METTL2A: variants seen among roughly 807,000 people sequenced by gnomAD.
METTL2A encodes methyltransferase 2A, tRNA N3-cytidine.
METTL2A carries 45 observed loss-of-function variants against 49.4 expected under a neutral mutation model. The observed-to-expected ratio is 0.91, with a 90% CI of 0.72 to 1.17. The LOEUF (loss-of-function observed/expected upper bound fraction) is 1.17. Ranked by LOEUF, METTL2A falls within the 50% of genes most tolerant of loss-of-function variation. METTL2A has a pLI of 0.00. For missense variants in METTL2A, 361 were observed against 462.2 expected, an observed-to-expected ratio of 0.78 and a Z score of 2.01; for synonymous variants, 118 against 167.5, an observed-to-expected ratio of 0.70 and a Z score of 2.28.
chr17:62,440,897 T>C, intron 6 of METTL2A, 141 bp downstream of exon 6: 1 of 1,183,382 alleles, frequency 8.5e-7, no homozygotes, highest in South Asian at 1.6e-5. Context: ...CCTTAACCTC[T>C]TGGGCTTAAA....
At chr17:62,442,328 T>A (rs1384327663) in intron 6 of METTL2A, among the ~76,000 whole-genome samples, 1 of 151,842 alleles carries the variant, frequency 6.6e-6, no homozygotes, top group Non-Finnish European at 1.5e-5. Flanking sequence ...CAGGCTGGAG[T>A]GCAGTGGTGA....
Position 62,448,669 on chromosome 17 carries a change from A to G in METTL2A, c.1077A>G (p.Thr359=). ...AGGTGAACCGAGGAAAGCAACTGAC[A>G]ATGTACCGGGTTTGGATTCAGTGCA... The part of the protein sequence containing the change: ...RLQVNRGKQL[T]MYRVWIQCKY... Residue 359 remains threonine, a synonymous_variant, in exon 9 of 9, where the codon ACA becomes ACG. Coordinates refer to ENST00000311506, the MANE Select transcript of METTL2A (RefSeq NM_181725.4). 6.2e-7 allele frequency: 1 copy of G among 1,614,202 alleles called. No homozygotes were observed. The highest frequency in any genetic ancestry group is 8.5e-7 in the Non-Finnish European group (1 of 1,180,028).
In METTL2A at chr17:62,440,868, C is replaced by T. The variant is rs144051852; in HGVS notation, c.809+112C>T. On this transcript the variant is annotated intron_variant, in intron 6 of 8. Transcript: ENST00000311506. ...CAGCCCAGGCTGGAGTGCAGTGGCA[C>T]GATCATGGCTCACTGCAGCCTTAAC... 4.7e-4 allele frequency: 635 copies of T among 1,362,188 alleles called. 2 individuals are homozygous for T. The African/African-American group carries it at 8.4e-3, about 18-fold the overall frequency. 84.4% of individuals were successfully genotyped at this position (1,362,188 alleles called of 1,614,324 possible). A position where few individuals can be genotyped will look rare whatever the true frequency, so the allele number is the denominator to read the frequency against.
intron 2 of METTL2A, 57 bp downstream of exon 2, chr17:62,424,367 C>T (rs2070608567): frequency 6.2e-7 from 1 of 1,607,632 alleles, no homozygotes; most frequent in Non-Finnish European, 8.5e-7. Context: ...CGAACGCGCC[C>T]TCCCGGAGAG....
At chr17:62,445,370 A>G (rs1198509141) in intron 7 of METTL2A, among the ~76,000 whole-genome samples, 3 of 152,026 alleles carry the variant, frequency 2.0e-5, no homozygotes, top group Admixed American at 2.0e-4. Flanking sequence ...TAGAATTAGA[A>G]CTCCTTATAT....
Position 62,451,629 on chromosome 17 carries a change from C to T in METTL2A, c.*2900C>T, listed in dbSNP as rs186359. On this transcript the variant is annotated 3_prime_UTR_variant, in exon 9 of 9. Transcript: ENST00000311506. ...AATACAGACCTGGCACGGTGGCTCA[C>T]GCCTGTAATCCCAGCACTTTGAGAG... 1.4e-4 allele frequency among the ~76,000 whole-genome samples: 21 copies of T among 151,688 alleles called. No homozygotes were observed. The highest frequency in any genetic ancestry group is 2.6e-4 in the Admixed American group (4 of 15,240).
intron 6 of METTL2A, among the ~76,000 whole-genome samples, chr17:62,442,186 A>G (rs2070742651): frequency 6.6e-6 from 1 of 152,200 alleles, no homozygotes; most frequent in African/African-American, 2.4e-5. Context: ...ATAAAATCAG[A>G]TTCAGATTAA....
Position 62,450,667 on chromosome 17 carries a change from AAT to A in METTL2A, c.*1940_*1941del, listed in dbSNP as rs2070800803. The A allele has an allele frequency of 1.3e-5, 2 of 152,102 alleles. No individual in the cohort carries two copies. Among genetic ancestry groups the A allele is most frequent in the Non-Finnish European group, 2.9e-5 (2 of 68,044 alleles). 9.4% of individuals were successfully genotyped at this position (152,102 alleles called of 1,614,324 possible). A position where few individuals can be genotyped will look rare whatever the true frequency, so the allele number is the denominator to read the frequency against. On this transcript the variant is annotated 3_prime_UTR_variant, in exon 9 of 9. Transcript: ENST00000311506. Reference sequence around the variant, plus strand: ...TAGTGAAACCCCGTCTCCACTAAAAAATAAAAAATCAGCCCGGCATGGCTGTG... The same window carrying A: ...TAGTGAAACCCCGTCTCCACTAAAAAAAAAAATCAGCCCGGCATGGCTGTG...
chr17:62,444,328 G>A (rs1397753601), intron 6 of METTL2A, among the ~76,000 whole-genome samples: 1 of 152,196 alleles, frequency 6.6e-6, no homozygotes, highest in Non-Finnish European at 1.5e-5. Context: ...GGCCCAGGCC[G>A]GAGGGCAGTG....
intron 5 of METTL2A, among the ~76,000 whole-genome samples, chr17:62,437,096 C>A (rs1457770105): frequency 2.0e-5 from 3 of 148,208 alleles, no homozygotes; most frequent in Non-Finnish European, 3.0e-5. Context: ...CAAGCAGCAA[C>A]AAGATTGCAG....
At chr17:62,446,651 A>C (rs966721324) in intron 7 of METTL2A, among the ~76,000 whole-genome samples, 1 of 152,136 alleles carries the variant, frequency 6.6e-6, no homozygotes, top group African/African-American at 2.4e-5. Context: ...TGTTCAATCC[A>C]GTCATTTTTT....
Position 62,452,155 on chromosome 17 carries a change from GCACCTTTGCATTTTAAGGTAAGA to G in METTL2A, c.*3427_*3449del, listed in dbSNP as rs2070809887. On this transcript the variant is annotated 3_prime_UTR_variant, in exon 9 of 9. Transcript: ENST00000311506. ...CAGTCTACGGGTTAGGCTTGCTTTT[GCACCTTTGCATTTTAAGGTAAGA>G]GGCTATTGTGTAAACTCGAATTGGG... 6.6e-6 allele frequency among the ~76,000 whole-genome samples: 1 copy of G among 152,216 alleles called. No individual in the cohort carries two copies. Among genetic ancestry groups the G allele is most frequent in the African/African-American group, 2.4e-5 (1 of 41,458 alleles).
intron 6 of METTL2A, among the ~76,000 whole-genome samples, chr17:62,441,997 G>A (rs1292824672): frequency 1.3e-5 from 2 of 151,262 alleles, no homozygotes; most frequent in Non-Finnish European, 1.5e-5. Flanking sequence ...CTCATGATCC[G>A]CCCGCCACGG....
At chr17:62,424,113 C>T (rs2070605940) in intron 1 of METTL2A, 101 bp downstream of exon 1, 6 of 1,584,464 alleles carry the variant, frequency 3.8e-6, no homozygotes, top group Middle Eastern at 3.4e-4. Flanking sequence ...AGTCAAGCTG[C>T]CCTACCCGAG....
At position 62,451,674 on chromosome 17, in the gene METTL2A, C is replaced by A. The variant is rs2144165133; in HGVS notation, c.*2945C>A. 6.6e-6 allele frequency among the ~76,000 whole-genome samples: 1 copy of A among 151,520 alleles called. No individual in the cohort carries two copies. Among genetic ancestry groups the A allele is most frequent in the East Asian group, 2.0e-4 (1 of 5,072 alleles). Reference sequence around the variant, plus strand: ...TGAGAGACCAAGGTAGGTGGATCACCTGAGGTCGGGAGTTGGAGACCAGCC... The same window carrying A: ...TGAGAGACCAAGGTAGGTGGATCACATGAGGTCGGGAGTTGGAGACCAGCC... On this transcript the variant is annotated 3_prime_UTR_variant, in exon 9 of 9. Coordinates refer to ENST00000311506, the MANE Select transcript of METTL2A (RefSeq NM_181725.4).
At chr17:62,428,169 C>T (rs3095786) in intron 4 of METTL2A, among the ~76,000 whole-genome samples, 6 of 152,248 alleles carry the variant, frequency 3.9e-5, no homozygotes, top group Non-Finnish European at 7.3e-5. Context: ...TAACATTTAG[C>T]GCCTTCTTCT....
At position 62,452,677 on chromosome 17, in the gene METTL2A, G is replaced by A. The variant is rs986675048; in HGVS notation, c.*3948G>A. 2.6e-5 allele frequency among the ~76,000 whole-genome samples: 4 copies of A among 152,128 alleles called. No individual in the cohort carries two copies. Among genetic ancestry groups the A allele is most frequent in the African/African-American group, 4.8e-5 (2 of 41,420 alleles). On this transcript the variant is annotated 3_prime_UTR_variant, in exon 9 of 9. Transcript: ENST00000311506. ...CACCCAGGCTGGAATGCAGCAGCAC[G>A]ATCACTGCTCACTGCAGCCTCGACC... is the stretch of plus-strand genomic sequence containing the variant.
intron 3 of METTL2A, among the ~76,000 whole-genome samples, 159 bp from the exon 4 acceptor site, chr17:62,427,629 A>G (rs1247710899): frequency 6.6e-6 from 1 of 152,214 alleles, no homozygotes; most frequent in African/African-American, 2.4e-5. Flanking sequence ...GTCAACATCA[A>G]AATCAACAAA....
chr17:62,442,310 CTG>C (rs1429974940), intron 6 of METTL2A, among the ~76,000 whole-genome samples: 4 of 151,716 alleles, frequency 2.6e-5, no homozygotes, highest in Non-Finnish European at 5.9e-5. Context: ...GAGTCTCACT[CTG>C]TTGCCCAGGC....
Sources: gnomAD v4.1 joint callset for allele counts (sites outside exome capture counted in the v4.1 genomes callset) on GRCh38, gnomAD v4.1.1 for gene constraint, MANE v1.5 for transcripts, NCBI Gene and HGNC (gene_info 2026-07-23, HGNC 2026-07-21) for gene names.